The following PRKDC variants were observed in gnomAD, a reference collection of about 807,000 sequenced individuals.
PRKDC encodes the protein DNA-dependent protein kinase catalytic subunit.
PRKDC carries 82 observed loss-of-function variants against 486.9 expected under a neutral mutation model. The observed-to-expected ratio is 0.17, with a 90% CI of 0.14 to 0.20. The LOEUF is 0.20. PRKDC is among the 10% of genes least tolerant of loss of function. The pLI, the probability that PRKDC is intolerant of heterozygous loss-of-function variation, is 1.00. For synonymous variants in PRKDC, 1,895 were observed against 1,837.0 expected (o/e 1.03, Z -0.81); for missense variants, 4,504 against 5,038.2 (o/e 0.89, Z 3.21).
In PRKDC at chr8:47,774,374, A is replaced by G; in HGVS notation, c.12186T>C (p.Asp4062=). ...CCTTCTCATGACCCAGGAGTAGCTCATCACTGGAAAAAAAACAAACACAGA... is the reference window on the plus strand; with the variant it reads ...CCTTCTCATGACCCAGGAGTAGCTCGTCACTGGAAAAAAAACAAACACAGA... ...AGANPAVITC[D]ELLLGHEKAP... Residue 4062 remains aspartate, a synonymous_variant, in exon 86 of 86, where the codon GAT becomes GAC. Transcript: ENST00000314191. 6.2e-7 allele frequency: 1 copy of G among 1,611,630 alleles called. No individual in the cohort carries two copies.
At position 47,821,785 on chromosome 8, in the gene PRKDC, T is replaced by C; in HGVS notation, c.8930A>G (p.Asn2977Ser). The C allele has an allele frequency of 6.4e-7, 1 of 1,558,938 alleles. No individual in the cohort carries two copies. Among genetic ancestry groups the C allele is most frequent in the Non-Finnish European group, 8.6e-7 (1 of 1,159,856 alleles). The change falls in exon 65 of 86, where the codon AAT (asparagine) becomes AGT (serine). Residue 2977 changes from asparagine (N) to serine (S), a missense_variant. By Grantham distance (46) the Asn-to-Ser change is conservative. Around this residue, in one of 6 missense-constraint regions of PRKDC, gnomAD observed 1,592 missense variants for 1,724.6 expected, o/e 0.92. Transcript: ENST00000314191. ...EAAKQYDEAL[N>S]KQDWVDGEPT... ...CTCACCATCTACCCAGTCTTGTTTA[T>C]TGAGAGCCTAGTGGAGAAAAGTTAA...
chr8:47,795,707 G>A (rs975748331), intron 73 of PRKDC, among the ~76,000 whole-genome samples: 14 of 149,618 alleles, frequency 9.4e-5, no homozygotes, highest in Non-Finnish European at 1.5e-4. Flanking sequence ...TGGCCAGACT[G>A]GTCTTGAACT....
chr8:47,829,021 T>C (rs1370941981), intron 61 of PRKDC, among the ~76,000 whole-genome samples: 1 of 152,214 alleles, frequency 6.6e-6, no homozygotes, highest in Non-Finnish European at 1.5e-5. Flanking sequence ...CCAACAACAG[T>C]TCCTGGCATA....
intron 7 of PRKDC, among the ~76,000 whole-genome samples, chr8:47,947,026 A>G (rs1158094172): frequency 1.3e-5 from 2 of 152,088 alleles, no homozygotes. Flanking sequence ...AAAACTGTCA[A>G]ACACCAACCC....
chr8:47,950,625 G>GAA (rs1208107553), intron 7 of PRKDC, among the ~76,000 whole-genome samples: 21 of 77,766 alleles, frequency 2.7e-4, no homozygotes, highest in Non-Finnish European at 2.7e-4. Context: ...CAAGACTCCG[G>GAA]AAAAAAAAAA....
At chr8:47,927,469 G>GAC (rs1370978749) in intron 20 of PRKDC, 116 bp from the exon 21 acceptor site, 16 of 1,210,630 alleles carry the variant, frequency 1.3e-5, no homozygotes, top group Non-Finnish European at 1.8e-5. Context: ...CTGGATGCCC[G>GAC]ACACCGCTGG....
chr8:47,863,446 A>T lies in PRKDC; in HGVS notation c.5703T>A (p.His1901Gln), dbSNP rs1563773425. ...AKESKINQVFHGSCITEGNEL... is the reference protein window; with the variant it reads ...AKESKINQVFQGSCITEGNEL... ...CATTTCCTTCTGTAATACACGAGCC[A>T]TGGAAAACTTGATTAATTTTTGATT... is the stretch of plus-strand genomic sequence containing the variant. The change falls in exon 42 of 86, where the codon CAT (histidine) becomes CAA (glutamine). Residue 1901 changes from histidine (H) to glutamine (Q), a missense_variant. Physicochemically the swap from His to Gln is conservative, Grantham distance 24. Transcript: ENST00000314191. 1 of 1,612,118 alleles carries T rather than the reference A, an allele frequency of 6.2e-7. No homozygotes were observed. The highest frequency in any genetic ancestry group is 8.5e-7 in the Non-Finnish European group (1 of 1,178,966).
intron 7 of PRKDC, among the ~76,000 whole-genome samples, chr8:47,946,794 G>C (rs1266368906): frequency 6.6e-6 from 1 of 151,978 alleles, no homozygotes; most frequent in Non-Finnish European, 1.5e-5. Flanking sequence ...CAACACAAAA[G>C]GCCAGGTTTC....
chr8:47,927,715 T>C, intron 20 of PRKDC, 56 bp downstream of exon 20: 1 of 1,432,236 alleles, frequency 7.0e-7, no homozygotes, highest in Admixed American at 3.1e-5. Context: ...TGTTTCTATG[T>C]GCTCTGGGAC....
intron 58 of PRKDC, among the ~76,000 whole-genome samples, chr8:47,835,721 C>A (rs559133201): frequency 1.3e-5 from 2 of 148,414 alleles, no homozygotes; most frequent in Non-Finnish European, 3.0e-5. Flanking sequence ...AGGACATTTA[C>A]GCTGCTGTAC....
At chr8:47,852,926 G>A in intron 51 of PRKDC, 142 bp from the exon 52 acceptor site, 1 of 635,086 alleles carries the variant, frequency 1.6e-6, no homozygotes, top group South Asian at 1.9e-5. Context: ...CAAATTCCAT[G>A]CACAAATGCA....
chr8:47,847,928 G>A (rs1474685981), intron 54 of PRKDC, among the ~76,000 whole-genome samples: 1 of 150,722 alleles, frequency 6.6e-6, no homozygotes, highest in Non-Finnish European at 1.5e-5. Context: ...TCAGAGAAAT[G>A]CAAATGAGAT....
chr8:47,939,426 C>A, intron 11 of PRKDC, 125 bp downstream of exon 11: 2 of 1,089,718 alleles, frequency 1.8e-6, no homozygotes, highest in Non-Finnish European at 2.6e-6. Context: ...CAGTTCACGC[C>A]CATGTTATTC....
chr8:47,788,212 G>A (rs1483378852), intron 76 of PRKDC, among the ~76,000 whole-genome samples: 1 of 152,244 alleles, frequency 6.6e-6, no homozygotes, highest in African/African-American at 2.4e-5. Context: ...ATCCCTGCGT[G>A]GGGAGGGTTG....
chr8:47,839,952 C>T (rs557855504), intron 55 of PRKDC, 64 bp downstream of exon 55: 68 of 1,327,482 alleles, frequency 5.1e-5, no homozygotes, highest in African/African-American at 2.4e-4. Flanking sequence ...ACTCCAGCCT[C>T]GTCGACAGAG....
chr8:47,889,276 C>A (rs2089405396), intron 32 of PRKDC, 54 bp from the exon 33 acceptor site: 1 of 1,466,620 alleles, frequency 6.8e-7, no homozygotes, highest in Admixed American at 2.1e-5. Context: ...TCTATTTTCA[C>A]CAAAGTGCAG....
chr8:47,934,150 C>T (rs1425040400), intron 14 of PRKDC, 60 bp from the exon 15 acceptor site: 39 of 1,508,806 alleles, frequency 2.6e-5, no homozygotes, highest in Non-Finnish European at 3.2e-5. Flanking sequence ...AGCACTGCTG[C>T]CAGAACATGC....
Position 47,796,352 on chromosome 8 carries a change from T to A in PRKDC, c.10459-1851A>T, listed in dbSNP as rs367629591. Among the ~76,000 whole-genome samples, 115 of 151,416 alleles carry A rather than the reference T, an allele frequency of 7.6e-4. 1 individual carries two copies. The East Asian group carries it at 0.016, about 20-fold the overall frequency. On this transcript the variant is annotated intron_variant, in intron 73 of 85. Coordinates refer to ENST00000314191, the MANE Select transcript of PRKDC (RefSeq NM_006904.7). ...ACTCCGTCACCAAAAAAATAAAAAATAAATAAATAAATAAAAATAAAATCA... is the reference window on the plus strand; with the variant it reads ...ACTCCGTCACCAAAAAAATAAAAAAAAAATAAATAAATAAAAATAAAATCA...
chr8:47,778,922 C>G (rs1239233908), intron 81 of PRKDC, 82 bp downstream of exon 81: 12 of 1,442,346 alleles, frequency 8.3e-6, no homozygotes, highest in Non-Finnish European at 1.1e-5. Flanking sequence ...CTCTCTGAGG[C>G]AAAGCTAAGA....
Sources: gnomAD v4.1 joint callset for allele counts (sites outside exome capture counted in the v4.1 genomes callset) on GRCh38, gnomAD v4.1.1 for gene constraint, gnomAD v4.1.1 regional missense constraint, MANE v1.5 for transcripts, NCBI Gene and HGNC (gene_info 2026-07-23, HGNC 2026-07-21) for gene names.